Variants in KPNA4 observed in about 807,000 individuals in gnomAD.
KPNA4 encodes the protein importin subunit alpha-3.
KPNA4 carries 13 observed loss-of-function variants against 71.3 expected under a neutral mutation model. The ratio of observed to expected loss-of-function variants is 0.18; its 90% confidence interval spans 0.12 to 0.29. The LOEUF is 0.29. Among genes scored for constraint, KPNA4 ranks in the 10% least tolerant of loss-of-function variants. The pLI, the probability that KPNA4 is intolerant of heterozygous loss-of-function variation, is 1.00. For synonymous variants in KPNA4, 189 were observed against 195.2 expected, an observed-to-expected ratio of 0.97 and a Z score of 0.26; for missense variants, 334 against 603.2, an observed-to-expected ratio of 0.55 and a Z score of 4.67.
intron 7 of KPNA4, among the ~76,000 whole-genome samples, chr3:160,529,731 C>T (rs1721531437): frequency 1.3e-5 from 2 of 152,054 alleles, no homozygotes; most frequent in Admixed American, 6.6e-5. Flanking sequence ...TAATTTTCCA[C>T]TTACATTTCT....
chr3:160,517,266 A>G (rs888082055), intron 11 of KPNA4, among the ~76,000 whole-genome samples: 4 of 152,042 alleles, frequency 2.6e-5, no homozygotes, highest in African/African-American at 9.7e-5. Context: ...AATGTTGTTA[A>G]AAGTTCGTGT....
intron 1 of KPNA4, among the ~76,000 whole-genome samples, chr3:160,540,415 C>T (rs1295504026): frequency 6.6e-6 from 1 of 152,192 alleles, no homozygotes; most frequent in African/African-American, 2.4e-5. Context: ...GTAGTAACAA[C>T]ATAAGACCAG....
chr3:160,521,878 G>A lies in KPNA4; in HGVS notation c.804C>T (p.Tyr268=). Residue 268 remains tyrosine (Y), a synonymous_variant, in exon 11 of 17, where the codon TAC becomes TAT. Transcript: ENST00000334256. ...TTTGTTCATTGCCAGCATCAGTAAG[G>A]TAAGAGAGGGCCCAGACTGTGTCTA... The part of the protein sequence containing the change: ...ILVDTVWALS[Y]LTDAGNEQIQ... The A allele has an allele frequency of 1.2e-6, 2 of 1,612,896 alleles. No homozygotes were observed. Among genetic ancestry groups the A allele is most frequent in the Non-Finnish European group, 1.7e-6 (2 of 1,179,314 alleles).
At position 160,526,199 on chromosome 3, in the gene KPNA4, G is replaced by C. The variant is rs375665558; in HGVS notation, c.557-92C>G. On this transcript the variant is annotated intron_variant, in intron 8 of 16. Transcript: ENST00000334256. ...AAGCACTGGGAATATGCTGCTTCATGTATTTTATCCAGATACACTGTTCAG... is the reference window on the plus strand; with the variant it reads ...AAGCACTGGGAATATGCTGCTTCATCTATTTTATCCAGATACACTGTTCAG... The C allele has an allele frequency of 1.3e-4, 116 of 918,442 alleles. 1 individual carries two copies. The East Asian group carries it at 2.2e-3, about 18-fold the overall frequency. 56.9% of individuals were successfully genotyped at this position (918,442 alleles called of 1,614,324 possible). A position where few individuals can be genotyped will look rare whatever the true frequency, so the allele number is the denominator to read the frequency against.
In KPNA4 at chr3:160,514,066, G is replaced by C. The variant is rs1721154703; in HGVS notation, c.1137+11C>G. 1 of 1,476,596 alleles carries C rather than the reference G, an allele frequency of 6.8e-7. No homozygotes were observed. The highest frequency in any genetic ancestry group is 9.2e-7 in the Non-Finnish European group (1 of 1,092,160). The allele number at this position is 1,476,596 out of a possible 1,614,324, so 91.5% of individuals were successfully genotyped here. ...ATCAGATAAATGATACATATAACAT[G>C]ATTTTCTTACCTTATCCAAAAGGTG... is the stretch of plus-strand genomic sequence containing the variant. On this transcript the variant is annotated intron_variant, in intron 13 of 16. Transcript: ENST00000334256.
chr3:160,540,897 T>C (rs1054391327), intron 1 of KPNA4, among the ~76,000 whole-genome samples: 2 of 152,218 alleles, frequency 1.3e-5, no homozygotes, highest in African/African-American at 2.4e-5. Flanking sequence ...GTATTTTATA[T>C]TTCTTTGCTT....
intron 10 of KPNA4, among the ~76,000 whole-genome samples, chr3:160,524,105 T>C (rs1450021848): frequency 6.6e-6 from 1 of 152,182 alleles, no homozygotes; most frequent in Non-Finnish European, 1.5e-5. Flanking sequence ...AACACATTAT[T>C]TAGTAAGCAA....
At chr3:160,512,701 G>A (rs541345727) in intron 13 of KPNA4, among the ~76,000 whole-genome samples, 25 of 152,228 alleles carry the variant, frequency 1.6e-4, no homozygotes, top group African/African-American at 5.5e-4. Context: ...GTGTAGTGGC[G>A]TGCGCCTATA....
At chr3:160,531,824 A>G (rs1277721491) in intron 5 of KPNA4, among the ~76,000 whole-genome samples, 3 of 151,902 alleles carry the variant, frequency 2.0e-5, no homozygotes, top group Non-Finnish European at 4.4e-5. Context: ...ATGGAGTCTC[A>G]CTCTGTTGCC....
chr3:160,539,573 A>G (rs1721755793), intron 1 of KPNA4, among the ~76,000 whole-genome samples: 1 of 152,198 alleles, frequency 6.6e-6, no homozygotes, highest in East Asian at 1.9e-4. Flanking sequence ...TTGGAGAGCC[A>G]ATGGTTCACA....
chr3:160,535,122 A>C (rs1046611391), intron 5 of KPNA4, among the ~76,000 whole-genome samples: 3 of 152,226 alleles, frequency 2.0e-5, no homozygotes, highest in Non-Finnish European at 4.4e-5. Flanking sequence ...TGTGAGAAGA[A>C]TTAAGATACC....
At position 160,498,871 on chromosome 3, in the gene KPNA4, T is replaced by G. The variant is rs1465209403; in HGVS notation, c.*3233A>C. 6.6e-6 allele frequency: 1 copy of G among 152,226 alleles called. No individual in the cohort carries two copies. The highest frequency in any genetic ancestry group is 2.4e-5 in the African/African-American group (1 of 41,452). The allele number at this position is 152,226 out of a possible 1,614,324, so 9.4% of individuals were successfully genotyped here. A position where few individuals can be genotyped will look rare whatever the true frequency, so the allele number is the denominator to read the frequency against. ...GTGTTTTAAGACACTAAATTTATGG[T>G]AATTATACCAAAATTACACAGCAGT... On this transcript the variant is annotated 3_prime_UTR_variant, in exon 17 of 17. Transcript: ENST00000334256.
rs1720752262 is a variant in KPNA4 at position 160,495,946 on chromosome 3, CTCTTT to C, written c.*6153_*6157del. The C allele has an allele frequency of 6.7e-6, 1 of 148,642 alleles. No individual in the cohort carries two copies. Among genetic ancestry groups the C allele is most frequent in the Non-Finnish European group, 1.5e-5 (1 of 67,476 alleles). The allele number at this position is 148,642 out of a possible 1,614,324, so 9.2% of individuals were successfully genotyped here. On this transcript the variant is annotated 3_prime_UTR_variant, in exon 17 of 17. Coordinates refer to ENST00000334256, the MANE Select transcript of KPNA4 (RefSeq NM_002268.5). ...TTTTTTTTTTTTTAAGGTAAATACC[CTCTTT>C]AGCTGAGTCCAAGACTTTGGATATT... is the stretch of plus-strand genomic sequence containing the variant.
intron 15 of KPNA4, 130 bp downstream of exon 15, chr3:160,507,977 C>G (rs1577045494): frequency 1.5e-6 from 1 of 688,750 alleles, no homozygotes; most frequent in Non-Finnish European, 2.3e-6. Flanking sequence ...ATATAGAATA[C>G]AATATTTACT....
chr3:160,562,217 A>G lies in KPNA4; in HGVS notation c.69+2997T>C, dbSNP rs187364136. 3.2e-4 allele frequency among the ~76,000 whole-genome samples: 48 copies of G among 152,316 alleles called. No homozygotes were observed. The East Asian group carries it at 6.5e-3, about 21-fold the overall frequency. On this transcript the variant is annotated intron_variant, in intron 1 of 16. Coordinates refer to ENST00000334256, the MANE Select transcript of KPNA4 (RefSeq NM_002268.5). ...CAGCTAGTCCAAGTGGAGGTATGCC[A>G]TAACCGTAAAATACAAACTGGATTT...
chr3:160,559,646 C>A (rs536091670), intron 1 of KPNA4, among the ~76,000 whole-genome samples: 11 of 152,160 alleles, frequency 7.2e-5, no homozygotes, highest in Admixed American at 1.3e-4. Context: ...TGCAGAATTA[C>A]GGTGTAGTAT....
chr3:160,530,059 C>T (rs758059033), intron 7 of KPNA4, among the ~76,000 whole-genome samples: 15 of 141,828 alleles, frequency 1.1e-4, no homozygotes, highest in African/African-American at 5.3e-5. Context: ...GGCATGAACC[C>T]GGGAGGTGGA....
chr3:160,530,443 T>C (rs746470757), intron 7 of KPNA4, among the ~76,000 whole-genome samples: 3 of 152,014 alleles, frequency 2.0e-5, no homozygotes, highest in Admixed American at 6.6e-5. Flanking sequence ...TGTGCCATTG[T>C]ATTCCAGCCT....
chr3:160,504,480 T>G (rs1033390158), intron 16 of KPNA4, among the ~76,000 whole-genome samples: 3 of 152,204 alleles, frequency 2.0e-5, no homozygotes, highest in Non-Finnish European at 2.9e-5. Flanking sequence ...AAGATATTTT[T>G]GTATACTATA....
Sources: gnomAD v4.1 joint callset for allele counts (sites outside exome capture counted in the v4.1 genomes callset) on GRCh38, gnomAD v4.1.1 for gene constraint, MANE v1.5 for transcripts, NCBI Gene and HGNC (gene_info 2026-07-23, HGNC 2026-07-21) for gene names.